Variants in NTRK2 observed in about 807,000 individuals in gnomAD.
NTRK2 encodes the protein BDNF/NT-3 growth factors receptor.
Under a neutral mutation model 94.5 loss-of-function variants are expected in NTRK2, and 13 were observed. The observed-to-expected ratio is 0.14, with a 90% CI of 0.09 to 0.22. The LOEUF is 0.22. Ranked by LOEUF, NTRK2 falls within the 10% of genes least tolerant of loss-of-function variation. NTRK2 has a pLI of 1.00. For missense variants in NTRK2, 639 were observed against 1,071.2 expected (o/e 0.60, Z 5.63); for synonymous variants, 372 against 407.4 (o/e 0.91, Z 1.05).
At chr9:84,712,901 T>C (rs1050899917) in intron 6 of NTRK2, among the ~76,000 whole-genome samples, 2 of 152,200 alleles carry the variant, frequency 1.3e-5, no homozygotes, top group African/African-American at 2.4e-5. Flanking sequence ...TATTTTCCAT[T>C]TTTTCAATAC....
At chr9:84,822,508 AT>A (rs1222845722) in intron 12 of NTRK2, among the ~76,000 whole-genome samples, 2 of 152,166 alleles carry the variant, frequency 1.3e-5, no homozygotes, top group Non-Finnish European at 2.9e-5. Context: ...AGCTGCAAAG[AT>A]TTTTATCCTG....
intron 12 of NTRK2, among the ~76,000 whole-genome samples, chr9:84,762,737 G>A (rs942468928): frequency 6.6e-6 from 1 of 152,108 alleles, no homozygotes; most frequent in African/African-American, 2.4e-5. Flanking sequence ...TCTGTACTGA[G>A]TAGCAGAAAA....
At chr9:84,846,023 G>T (rs1261479729) in intron 12 of NTRK2, among the ~76,000 whole-genome samples, 1 of 152,010 alleles carries the variant, frequency 6.6e-6, no homozygotes, top group African/African-American at 2.4e-5. Flanking sequence ...TCCCAAAAAT[G>T]GCTCTTATAA....
intron 8 of NTRK2, among the ~76,000 whole-genome samples, chr9:84,726,782 T>C (rs191075830): frequency 1.3e-5 from 2 of 152,322 alleles, no homozygotes; most frequent in Admixed American, 6.5e-5. Flanking sequence ...ATCTCAAAGG[T>C]CTTTTCCAGT....
At chr9:84,901,922 C>A in intron 14 of NTRK2, among the ~76,000 whole-genome samples, 1 of 152,104 alleles carries the variant, frequency 6.6e-6, no homozygotes, top group Non-Finnish European at 1.5e-5. Context: ...TCAGGCTGGG[C>A]ACGGTGGCTG....
chr9:84,812,293 G>C, intron 12 of NTRK2: 1 of 1,056,992 alleles, frequency 9.5e-7, no homozygotes, highest in Non-Finnish European at 1.1e-6. Flanking sequence ...GCTTGATGAA[G>C]ACCTTTCACA....
At chr9:84,745,981 T>A (rs2064032098) in intron 11 of NTRK2, among the ~76,000 whole-genome samples, 1 of 152,138 alleles carries the variant, frequency 6.6e-6, no homozygotes, top group African/African-American at 2.4e-5. Flanking sequence ...TTCCTCACTG[T>A]CATATGCACA....
rs143396080 is a variant in NTRK2 at position 84,809,811 on chromosome 9, G to C, written c.1397-51229G>C. Among the ~76,000 whole-genome samples, 841 of 147,986 alleles carry C rather than the reference G, an allele frequency of 5.7e-3. 13 individuals are homozygous for C. The highest frequency in any genetic ancestry group is 0.02 in the African/African-American group (798 of 39,958). On this transcript the variant is annotated intron_variant, in intron 12 of 18. Coordinates refer to ENST00000277120, the MANE Select transcript of NTRK2 (RefSeq NM_006180.6). ...GCAAGAGAATTGCTTGAACCTGGGA[G>C]GCAGAGGTTGCAGTGAGCCGAGATC...
intron 12 of NTRK2, chr9:84,813,549 A>G (rs967138473): frequency 4.7e-6 from 5 of 1,065,448 alleles, no homozygotes; most frequent in Non-Finnish European, 5.7e-6. Flanking sequence ...CAAGCTAAGA[A>G]ACTGAGTTTA....
chr9:84,946,339 G>A (rs922000359), intron 15 of NTRK2, among the ~76,000 whole-genome samples: 8 of 152,256 alleles, frequency 5.3e-5, no homozygotes, highest in Admixed American at 3.3e-4. Flanking sequence ...TTTAGTTCTC[G>A]TGGCCTTCAT....
intron 2 of NTRK2, among the ~76,000 whole-genome samples, chr9:84,693,824 T>C (rs922682283): frequency 1.3e-5 from 2 of 152,230 alleles, no homozygotes; most frequent in African/African-American, 4.8e-5. Flanking sequence ...GTCCTCATCC[T>C]ACACTACCAA....
intron 12 of NTRK2, among the ~76,000 whole-genome samples, chr9:84,823,832 T>C (rs184777837): frequency 1.3e-5 from 2 of 152,238 alleles, no homozygotes; most frequent in African/African-American, 4.8e-5. Flanking sequence ...TTTGTGACTT[T>C]CTGGCTGGAC....
intron 17 of NTRK2, among the ~76,000 whole-genome samples, chr9:84,990,640 T>C (rs1261937682): frequency 6.6e-6 from 1 of 152,170 alleles, no homozygotes; most frequent in Non-Finnish European, 1.5e-5. Context: ...CCCACGTTGG[T>C]TCCAAAGAGA....
chr9:84,813,853 T>G, intron 12 of NTRK2: 1 of 1,065,744 alleles, frequency 9.4e-7, no homozygotes, highest in Non-Finnish European at 1.1e-6. Context: ...GCCCTTAATG[T>G]GGTCCACGTC....
At chr9:84,745,873 C>T (rs1221470434) in intron 11 of NTRK2, among the ~76,000 whole-genome samples, 1 of 151,560 alleles carries the variant, frequency 6.6e-6, no homozygotes, top group Non-Finnish European at 1.5e-5. Context: ...AGATTTATGG[C>T]ACAGTGAAGA....
At chr9:84,793,379 G>A (rs545653798) in intron 12 of NTRK2, among the ~76,000 whole-genome samples, 36 of 152,232 alleles carry the variant, frequency 2.4e-4, no homozygotes, top group Middle Eastern at 3.4e-3. Context: ...ATTGATTGCT[G>A]TCGGCATAAC....
chr9:84,920,616 ATTC>A (rs2077534972), intron 14 of NTRK2, among the ~76,000 whole-genome samples: 1 of 152,156 alleles, frequency 6.6e-6, no homozygotes, highest in African/African-American at 2.4e-5. Context: ...TGAGGTGAGA[ATTC>A]TTCTACTCTA....
chr9:84,874,690 C>G lies in NTRK2; in HGVS notation c.1633+7259C>G, dbSNP rs201628382. On this transcript the variant is annotated intron_variant, in intron 14 of 18. Coordinates refer to ENST00000277120, the MANE Select transcript of NTRK2 (RefSeq NM_006180.6). ...ACATAAAGGAATCTCTCTCCTTGGA[C>G]TCAGCCCCTAACTGGAAGCAAGAGC... 5.2e-5 allele frequency: 55 copies of G among 1,062,214 alleles called. No individual in the cohort carries two copies. In the African/African-American group the frequency reaches 8.7e-4, roughly 17 times the overall value. The allele number at this position is 1,062,214 out of a possible 1,614,324, so 65.8% of individuals were successfully genotyped here.
intron 14 of NTRK2, among the ~76,000 whole-genome samples, chr9:84,888,886 C>CTTAAACTA (rs2076503609): frequency 6.6e-6 from 1 of 151,464 alleles, no homozygotes; most frequent in Non-Finnish European, 1.5e-5. Context: ...ACAAGTCACA[C>CTTAAACTA]AACCTGCTTT....
Sources: allele counts gnomAD v4.1 joint callset (sites outside exome capture counted in the v4.1 genomes callset), GRCh38; gene constraint gnomAD v4.1.1; transcripts MANE v1.5; gene names NCBI Gene and HGNC (gene_info 2026-07-23, HGNC 2026-07-21).